Variants in ASTN2 observed in about 807,000 individuals in gnomAD.
ASTN2 encodes the protein astrotactin 2, also known as astrotactin-2.
ASTN2 carries 54 observed loss-of-function variants against 139.8 expected under a neutral mutation model. The ratio of observed to expected loss-of-function variants is 0.39; its 90% confidence interval spans 0.31 to 0.48. ASTN2 has a LOEUF of 0.48. Among genes scored for constraint, ASTN2 ranks in the 20% least tolerant of loss-of-function variants. The probability of loss-of-function intolerance (pLI) is 0.95; values close to 1 mark genes in which losing one functional copy is unlikely to be tolerated. For missense variants in ASTN2, 1,565 were observed against 1,725.1 expected (o/e 0.91, Z 1.64); for synonymous variants, 756 against 719.5 (o/e 1.05, Z -0.81).
intron 3 of ASTN2, among the ~76,000 whole-genome samples, chr9:117,172,386 G>A (rs1333951201): frequency 1.3e-5 from 2 of 152,118 alleles, no homozygotes; most frequent in East Asian, 3.9e-4. Context: ...AGATCTATAT[G>A]TTGGTCTGGG....
At chr9:116,542,632 A>G (rs1030474849) in intron 19 of ASTN2, among the ~76,000 whole-genome samples, 1 of 152,168 alleles carries the variant, frequency 6.6e-6, no homozygotes, top group African/African-American at 2.4e-5. Context: ...TTTTAAGACT[A>G]TTATTTTTGG....
At chr9:116,453,370 G>A (rs1200640871) in intron 20 of ASTN2, among the ~76,000 whole-genome samples, 2 of 151,686 alleles carry the variant, frequency 1.3e-5, no homozygotes, top group Non-Finnish European at 2.9e-5. Flanking sequence ...GAGGCGGGTG[G>A]ATCACGAGGT....
At chr9:116,609,400 T>C (rs1855415232) in intron 19 of ASTN2, among the ~76,000 whole-genome samples, 1 of 101,026 alleles carries the variant, frequency 9.9e-6, no homozygotes, top group Admixed American at 1.1e-4. Context: ...TATATATATA[T>C]ATATATATGA....
chr9:116,593,523 C>G (rs930070015), intron 19 of ASTN2, among the ~76,000 whole-genome samples: 1 of 152,188 alleles, frequency 6.6e-6, no homozygotes, highest in Non-Finnish European at 1.5e-5. Context: ...TGCCAAGATC[C>G]TATGCAAGCC....
intron 18 of ASTN2, 136 bp from the exon 19 acceptor site, chr9:116,618,608 G>T: frequency 1.9e-6 from 2 of 1,050,086 alleles, no homozygotes; most frequent in Non-Finnish European, 2.7e-6. Flanking sequence ...TCGCCAACTT[G>T]CATGACCGTA....
intron 2 of ASTN2, among the ~76,000 whole-genome samples, chr9:117,248,610 C>T (rs192106534): frequency 1.0e-3 from 156 of 152,246 alleles, no homozygotes; most frequent in Middle Eastern, 3.4e-3. Context: ...AGGCTGGAAC[C>T]GCAATACTGT....
At chr9:116,730,276 G>A (rs960841409) in intron 14 of ASTN2, among the ~76,000 whole-genome samples, 3 of 151,870 alleles carry the variant, frequency 2.0e-5, no homozygotes, top group African/African-American at 7.3e-5. Flanking sequence ...ATTAAAATGA[G>A]AATCTCATTG....
intron 16 of ASTN2, among the ~76,000 whole-genome samples, chr9:116,682,424 G>A (rs1325027404): frequency 6.6e-6 from 1 of 152,204 alleles, no homozygotes; most frequent in African/African-American, 2.4e-5. Flanking sequence ...TTACACTGTT[G>A]GTGGGACTGT....
chr9:117,305,350 T>G lies in ASTN2; in HGVS notation c.443-13837A>C, dbSNP rs558330796. On this transcript the variant is annotated intron_variant, in intron 1 of 22. Coordinates refer to ENST00000313400, the MANE Select transcript of ASTN2 (RefSeq NM_001365068.1). ...CCTGTGCAAAAGTCATGGTTATGAT[T>G]AATGCCAATCAACCTGGTGGAAGAT... Among the ~76,000 whole-genome samples, 3 of 152,288 alleles carry G rather than the reference T, an allele frequency of 2.0e-5. No individual in the cohort carries two copies. The South Asian group carries it at 6.2e-4, about 32-fold the overall frequency.
chr9:117,189,767 C>G (rs1588056918), intron 3 of ASTN2, among the ~76,000 whole-genome samples: 2 of 152,270 alleles, frequency 1.3e-5, no homozygotes, highest in African/African-American at 2.4e-5. Context: ...TCTTAAAGGT[C>G]TCTTGGTCTC....
chr9:117,206,342 T>C (rs548406608), intron 3 of ASTN2, among the ~76,000 whole-genome samples: 1 of 152,108 alleles, frequency 6.6e-6, no homozygotes, highest in Non-Finnish European at 1.5e-5. Context: ...TCCGACCCCA[T>C]TGCTACCACA....
In ASTN2 at chr9:117,413,082, G is replaced by C. The variant is rs138862902; in HGVS notation, c.442+1415C>G. ...GGCACGCTCAGGTTACAGCCTGCGA[G>C]GGTGGGTACAGGGGCTCGACCCCCG... On this transcript the variant is annotated intron_variant, in intron 1 of 22. Coordinates refer to ENST00000313400, the MANE Select transcript of ASTN2 (RefSeq NM_001365068.1). Among the ~76,000 whole-genome samples, 347 of 152,354 alleles carry C rather than the reference G, an allele frequency of 2.3e-3. 2 individuals carry two copies. Among genetic ancestry groups the C allele is most frequent in the African/African-American group, 8.0e-3 (334 of 41,586 alleles).
At chr9:117,168,421 T>C (rs1830716611) in intron 3 of ASTN2, among the ~76,000 whole-genome samples, 2 of 152,072 alleles carry the variant, frequency 1.3e-5, no homozygotes, top group South Asian at 4.1e-4. Context: ...TTAACTTACA[T>C]TTGGAGGTGA....
At chr9:116,942,823 C>T (rs1835278854) in intron 10 of ASTN2, among the ~76,000 whole-genome samples, 1 of 152,212 alleles carries the variant, frequency 6.6e-6, no homozygotes, top group South Asian at 2.1e-4. Context: ...GAACACCAGT[C>T]AGCCTTAGCC....
At chr9:116,759,059 G>A (rs1006375801) in intron 13 of ASTN2, among the ~76,000 whole-genome samples, 2 of 152,034 alleles carry the variant, frequency 1.3e-5, no homozygotes, top group Middle Eastern at 3.4e-3. Context: ...TAATTCCTTT[G>A]TAGAGACAAG....
chr9:117,110,449 TTGA>T (rs1029241552), intron 4 of ASTN2, among the ~76,000 whole-genome samples: 3 of 152,176 alleles, frequency 2.0e-5, no homozygotes, highest in Admixed American at 6.5e-5. Context: ...ATATTAGGCT[TTGA>T]TGATGATGAT....
chr9:116,856,990 G>T (rs1486839249), intron 11 of ASTN2, among the ~76,000 whole-genome samples: 1 of 152,134 alleles, frequency 6.6e-6, no homozygotes. Context: ...ATTCGATGTT[G>T]CCCCTCCTTT....
chr9:116,716,384 T>G (rs1828315238), intron 16 of ASTN2, among the ~76,000 whole-genome samples: 1 of 152,170 alleles, frequency 6.6e-6, no homozygotes, highest in African/African-American at 2.4e-5. Flanking sequence ...AGTCTTTGAA[T>G]TTGTTCTAAG....
At chr9:116,490,113 T>C (rs1200663930) in intron 19 of ASTN2, among the ~76,000 whole-genome samples, 3 of 151,744 alleles carry the variant, frequency 2.0e-5, no homozygotes, top group Non-Finnish European at 1.5e-5. Context: ...GTCTGGAAAA[T>C]GAAGATGTGA....
Sources: allele counts gnomAD v4.1 joint callset (sites outside exome capture counted in the v4.1 genomes callset), GRCh38; gene constraint gnomAD v4.1.1; transcripts MANE v1.5; gene names NCBI Gene and HGNC (gene_info 2026-07-23, HGNC 2026-07-21).